Variants in CDK8 observed in about 807,000 individuals in gnomAD.
CDK8 encodes cyclin dependent kinase 8.
CDK8 carries 29 observed loss-of-function variants against 71.5 expected under a neutral mutation model. That is an observed-to-expected ratio of 0.41 (90% CI 0.30 to 0.55). CDK8 has a LOEUF of 0.55. CDK8 is among the 20% of genes least tolerant of loss of function. CDK8 has a pLI of 0.37. For synonymous variants in CDK8, 161 were observed against 192.1 expected (o/e 0.84, Z 1.34); for missense variants, 288 against 572.6 (o/e 0.50, Z 5.07).
chr13:26,363,748 A>C (rs1345464794), intron 4 of CDK8, among the ~76,000 whole-genome samples: 2 of 152,214 alleles, frequency 1.3e-5, no homozygotes, highest in South Asian at 2.1e-4. Flanking sequence ...ATTTGGAATC[A>C]CTAAGTGGGA....
In CDK8 at chr13:26,374,058, G is replaced by A. The variant is rs1232927248; in HGVS notation, c.457-8756G>A. 1.2e-4 allele frequency among the ~76,000 whole-genome samples: 18 copies of A among 150,670 alleles called. 1 individual carries two copies. Among genetic ancestry groups the A allele is most frequent in the African/African-American group, 4.1e-4 (17 of 41,108 alleles). On this transcript the variant is annotated intron_variant, in intron 4 of 12. Coordinates refer to ENST00000381527, the MANE Select transcript of CDK8 (RefSeq NM_001260.3). ...AAAAACAAAAAACAAAAAATTAGCT[G>A]GGCGTGGTGGTGGGTGCCTGTAGTC...
At chr13:26,372,501 A>G (rs1555233458) in intron 4 of CDK8, among the ~76,000 whole-genome samples, 2 of 152,232 alleles carry the variant, frequency 1.3e-5, no homozygotes, top group South Asian at 2.1e-4. Flanking sequence ...ATACACTTAC[A>G]TAGTTTGTGT....
At chr13:26,358,419 A>G (rs1163358555) in intron 4 of CDK8, among the ~76,000 whole-genome samples, 1 of 152,194 alleles carries the variant, frequency 6.6e-6, no homozygotes, top group Non-Finnish European at 1.5e-5. Context: ...TGCTGTTACT[A>G]AAATAGGAGT....
chr13:26,337,551 A>T lies in CDK8; in HGVS notation c.129-16A>T. On this transcript the variant is annotated splice_polypyrimidine_tract_variant and intron_variant, in intron 1 of 12. Transcript: ENST00000381527. Reference sequence around the variant, plus strand: ...TATAGATTTATCTATATATTAAAATAACTTTGTTTTTACAGGAAGGATGAT... The same window carrying T: ...TATAGATTTATCTATATATTAAAATTACTTTGTTTTTACAGGAAGGATGAT... The T allele has an allele frequency of 8.5e-7, 1 of 1,179,112 alleles. No homozygotes were observed. The highest frequency in any genetic ancestry group is 1.2e-6 in the Non-Finnish European group (1 of 861,518). The allele number at this position is 1,179,112 out of a possible 1,614,324, so 73.0% of individuals were successfully genotyped here.
At chr13:26,313,437 G>A (rs1874377827) in intron 1 of CDK8, among the ~76,000 whole-genome samples, 1 of 152,134 alleles carries the variant, frequency 6.6e-6, no homozygotes, top group African/African-American at 2.4e-5. Flanking sequence ...TGTGAAATAG[G>A]GGCTATCATT....
At chr13:26,321,384 A>G (rs1874767747) in intron 1 of CDK8, among the ~76,000 whole-genome samples, 1 of 152,174 alleles carries the variant, frequency 6.6e-6, no homozygotes, top group Non-Finnish European at 1.5e-5. Context: ...AGCTAGGGGC[A>G]TGGGGAAGGG....
In CDK8 at chr13:26,254,864, G is replaced by A. The variant is rs1197678371; in HGVS notation, c.128+95G>A. Reference sequence around the variant, plus strand: ...AGGGAGAGCGGGCCGCCGGGGTGCCGGGCTCTGACTTCCTCGACGCCGGCC... The same window carrying A: ...AGGGAGAGCGGGCCGCCGGGGTGCCAGGCTCTGACTTCCTCGACGCCGGCC... On this transcript the variant is annotated intron_variant, in intron 1 of 12. Coordinates refer to ENST00000381527, the MANE Select transcript of CDK8 (RefSeq NM_001260.3). This position sits in a 1 kb window ranked among gnomAD's most constrained non-coding sequence, Gnocchi z 6.7. 40 of 1,519,772 alleles carry A rather than the reference G, an allele frequency of 2.6e-5. No individual in the cohort carries two copies. The highest frequency in any genetic ancestry group is 1.2e-5 in the South Asian group (1 of 81,496). The allele number at this position is 1,519,772 out of a possible 1,614,324, so 94.1% of individuals were successfully genotyped here. A position where few individuals can be genotyped will look rare whatever the true frequency, so the allele number is the denominator to read the frequency against.
In CDK8 at chr13:26,404,159, T is replaced by C; in HGVS notation, c.*78T>C. ...TGCAGCTCTCTGCGGGAACCTGGTA[T>C]GGGCCATGAGAATGTACTGTACAAC... On this transcript the variant is annotated 3_prime_UTR_variant, in exon 13 of 13. Coordinates refer to ENST00000381527, the MANE Select transcript of CDK8 (RefSeq NM_001260.3). 1 of 1,533,506 alleles carries C rather than the reference T, an allele frequency of 6.5e-7. No homozygotes were observed. Among genetic ancestry groups the C allele is most frequent in the Non-Finnish European group, 8.9e-7 (1 of 1,123,404 alleles). 95.0% of individuals were successfully genotyped at this position (1,533,506 alleles called of 1,614,324 possible).
intron 4 of CDK8, among the ~76,000 whole-genome samples, chr13:26,358,103 G>A (rs1873973067): frequency 6.6e-6 from 1 of 151,768 alleles, no homozygotes; most frequent in African/African-American, 2.4e-5. Context: ...AGACCATCCT[G>A]GCTAACATGG....
At chr13:26,259,328 A>G (rs1593221468) in intron 1 of CDK8, among the ~76,000 whole-genome samples, 1 of 152,150 alleles carries the variant, frequency 6.6e-6, no homozygotes, top group Non-Finnish European at 1.5e-5. Flanking sequence ...TTGCATCTCT[A>G]CTGAGCATGT....
At position 26,404,658 on chromosome 13, in the gene CDK8, CA is replaced by C. The variant is rs1242748779; in HGVS notation, c.*582del. The C allele has an allele frequency of 4.3e-6, 1 of 229,888 alleles. No homozygotes were observed. Among genetic ancestry groups the C allele is most frequent in the Non-Finnish European group, 8.6e-6 (1 of 116,104 alleles). 14.2% of individuals were successfully genotyped at this position (229,888 alleles called of 1,614,324 possible). A position where few individuals can be genotyped will look rare whatever the true frequency, so the allele number is the denominator to read the frequency against. On this transcript the variant is annotated 3_prime_UTR_variant, in exon 13 of 13. Coordinates refer to ENST00000381527, the MANE Select transcript of CDK8 (RefSeq NM_001260.3). ...TATTGCTTGGATTTTTTTGAAAGTA[CA>C]AAAAGCCACATAGTTTTTCCAGAAA... is the stretch of plus-strand genomic sequence containing the variant.
At chr13:26,272,690 T>C (rs1395860122) in intron 1 of CDK8, among the ~76,000 whole-genome samples, 1 of 152,236 alleles carries the variant, frequency 6.6e-6, no homozygotes, top group East Asian at 1.9e-4. Context: ...AAGTATTATG[T>C]AGTGTACATA....
At chr13:26,272,299 C>CT (rs567564539) in intron 1 of CDK8, among the ~76,000 whole-genome samples, 1 of 148,472 alleles carries the variant, frequency 6.7e-6, no homozygotes, top group Non-Finnish European at 1.5e-5. Flanking sequence ...CAAGACCAAA[C>CT]TTTTTTTTTT....
chr13:26,399,292 G>A (rs934893369), intron 9 of CDK8, among the ~76,000 whole-genome samples: 2 of 152,150 alleles, frequency 1.3e-5, no homozygotes, highest in Non-Finnish European at 2.9e-5. Context: ...TTACAGGTGT[G>A]AGCCACCACA....
chr13:26,389,036 G>A (rs918212933), intron 6 of CDK8, among the ~76,000 whole-genome samples: 6 of 152,150 alleles, frequency 3.9e-5, no homozygotes, highest in African/African-American at 7.2e-5. Context: ...ACTACCAGCC[G>A]AAGTTGTAGT....
chr13:26,268,437 T>C (rs1274752352), intron 1 of CDK8, among the ~76,000 whole-genome samples: 1 of 152,140 alleles, frequency 6.6e-6, no homozygotes, highest in East Asian at 1.9e-4. Flanking sequence ...CACCTCAGCC[T>C]CCTGAATGGC....
At chr13:26,255,180 G>GA (rs1408781639) in intron 1 of CDK8, among the ~76,000 whole-genome samples, 1 of 152,010 alleles carries the variant, frequency 6.6e-6, no homozygotes, top group Admixed American at 6.6e-5. Flanking sequence ...GGTCTAGAAG[G>GA]AAGGCTGTGA....
intron 2 of CDK8, among the ~76,000 whole-genome samples, chr13:26,343,424 A>G (rs914361151): frequency 6.6e-6 from 1 of 152,136 alleles, no homozygotes; most frequent in Non-Finnish European, 1.5e-5. Context: ...TAAATGATTA[A>G]AAAAATGGCT....
intron 1 of CDK8, among the ~76,000 whole-genome samples, chr13:26,260,040 A>G (rs529309896): frequency 6.6e-6 from 1 of 152,304 alleles, no homozygotes; most frequent in South Asian, 2.1e-4. Flanking sequence ...ATCATAGAAG[A>G]CAGGGAAGGT....
Sources: gnomAD v4.1 joint callset for allele counts (sites outside exome capture counted in the v4.1 genomes callset) on GRCh38, gnomAD v4.1.1 for gene constraint, Gnocchi (gnomAD v3.1) non-coding constraint, MANE v1.5 for transcripts, NCBI Gene and HGNC (gene_info 2026-07-23, HGNC 2026-07-21) for gene names.